The following RSU1 variants were observed in gnomAD, a reference collection of about 807,000 sequenced individuals.
The protein encoded by RSU1 is Ras suppressor protein 1.
A neutral mutation model predicts 31.1 loss-of-function variants in RSU1; 26 were observed. The ratio of observed to expected loss-of-function variants is 0.84; its 90% CI spans 0.61 to 1.16. The LOEUF (loss-of-function observed/expected upper bound fraction) is 1.16. Ranked by LOEUF, RSU1 falls within the 50% of genes most tolerant of loss-of-function variation. RSU1 has a pLI of 0.00. For synonymous variants in RSU1, 164 were observed against 136.3 expected (o/e 1.20, Z -1.41); for missense variants, 320 against 339.1 (o/e 0.94, Z 0.44).
chr10:16,744,435 G>C (rs1344691230), intron 7 of RSU1, among the ~76,000 whole-genome samples: 1 of 152,090 alleles, frequency 6.6e-6, no homozygotes, highest in African/African-American at 2.4e-5. Context: ...TGTCACAAAA[G>C]GTAATGTTAA....
At chr10:16,669,769 T>C (rs1368283317) in intron 8 of RSU1, among the ~76,000 whole-genome samples, 2 of 152,210 alleles carry the variant, frequency 1.3e-5, no homozygotes, top group Non-Finnish European at 2.9e-5. Context: ...CATTCCTATA[T>C]TATGGTTGCG....
chr10:16,678,124 T>A (rs1835266738), intron 8 of RSU1, among the ~76,000 whole-genome samples: 1 of 152,222 alleles, frequency 6.6e-6, no homozygotes. Context: ...ATAGAAAAGC[T>A]TTTCTCTCAC....
chr10:16,632,166 C>T (rs571224513), intron 8 of RSU1, among the ~76,000 whole-genome samples: 11 of 152,196 alleles, frequency 7.2e-5, no homozygotes, highest in Admixed American at 3.3e-4. Flanking sequence ...AAAAACATGA[C>T]CTCACATGTT....
intron 4 of RSU1, among the ~76,000 whole-genome samples, chr10:16,760,498 A>G (rs1011288902): frequency 7.9e-5 from 12 of 151,176 alleles, no homozygotes; most frequent in African/African-American, 2.9e-4. Flanking sequence ...AACAAGAAAG[A>G]AACTCCATCT....
intron 2 of RSU1, among the ~76,000 whole-genome samples, chr10:16,797,147 G>T (rs928230301): frequency 1.3e-5 from 2 of 152,128 alleles, no homozygotes; most frequent in East Asian, 3.8e-4. Context: ...GACCACCTAG[G>T]GCTCCCTTGC....
At chr10:16,731,744 T>A (rs530374963) in intron 7 of RSU1, among the ~76,000 whole-genome samples, 79 of 152,348 alleles carry the variant, frequency 5.2e-4, no homozygotes, top group African/African-American at 1.3e-3. Flanking sequence ...TGACTGCTAC[T>A]AAGGCTGACC....
chr10:16,794,681 A>G (rs558484396), intron 2 of RSU1, among the ~76,000 whole-genome samples: 1 of 152,368 alleles, frequency 6.6e-6, no homozygotes, highest in South Asian at 2.1e-4. Context: ...AGAACAGAGT[A>G]CAATCAAGGT....
chr10:16,758,679 A>G (rs772735662), intron 4 of RSU1, among the ~76,000 whole-genome samples: 2 of 152,180 alleles, frequency 1.3e-5, no homozygotes, highest in Non-Finnish European at 2.9e-5. Context: ...CACCCAATCC[A>G]TGGCTCACAC....
chr10:16,649,497 T>C (rs1834640446), intron 8 of RSU1, among the ~76,000 whole-genome samples: 1 of 152,112 alleles, frequency 6.6e-6, no homozygotes. Context: ...AAATAAAAAT[T>C]GTAACTTTGC....
At chr10:16,616,050 A>C (rs1833970279) in intron 8 of RSU1, among the ~76,000 whole-genome samples, 1 of 152,190 alleles carries the variant, frequency 6.6e-6, no homozygotes, top group South Asian at 2.1e-4. Context: ...CAGAGACAGG[A>C]AAAACCCTTT....
intron 8 of RSU1, among the ~76,000 whole-genome samples, chr10:16,620,577 C>T (rs1032924290): frequency 2.9e-4 from 44 of 150,372 alleles, no homozygotes; most frequent in Admixed American, 2.2e-3. Context: ...AAAAAAGTCT[C>T]GCTCATGCCT....
chr10:16,619,649 A>G (rs1192511973), intron 8 of RSU1, among the ~76,000 whole-genome samples: 1 of 152,222 alleles, frequency 6.6e-6, no homozygotes, highest in Non-Finnish European at 1.5e-5. Flanking sequence ...TAAACTCTGA[A>G]AGACTCCTGA....
chr10:16,777,756 A>T (rs1244453709), intron 3 of RSU1, among the ~76,000 whole-genome samples: 1 of 152,226 alleles, frequency 6.6e-6, no homozygotes, highest in African/African-American at 2.4e-5. Context: ...ATTAAGGAGC[A>T]GACTAAAAAA....
chr10:16,658,488 C>T (rs1834829755), intron 8 of RSU1, among the ~76,000 whole-genome samples: 1 of 152,142 alleles, frequency 6.6e-6, no homozygotes, highest in Non-Finnish European at 1.5e-5. Flanking sequence ...CTTTGGGAGG[C>T]TGATGCAGGC....
chr10:16,746,410 CA>C (rs1836856346), intron 7 of RSU1, among the ~76,000 whole-genome samples: 1 of 152,066 alleles, frequency 6.6e-6, no homozygotes, highest in Admixed American at 6.6e-5. Context: ...CCCTCTTCTC[CA>C]AAGGCAAAAT....
intron 7 of RSU1, among the ~76,000 whole-genome samples, chr10:16,701,687 C>A (rs532132311): frequency 5.3e-5 from 8 of 152,108 alleles, no homozygotes; most frequent in Middle Eastern, 6.3e-3. Context: ...CCAACACAAG[C>A]AGCACCTGAT....
intron 3 of RSU1, among the ~76,000 whole-genome samples, chr10:16,773,311 G>T (rs1410112556): frequency 2.6e-5 from 4 of 152,170 alleles, no homozygotes; most frequent in African/African-American, 9.6e-5. Context: ...ACTGCATGAG[G>T]AGGGCAGGAA....
chr10:16,608,326 A>G (rs1015644596), intron 8 of RSU1, among the ~76,000 whole-genome samples: 2 of 152,200 alleles, frequency 1.3e-5, no homozygotes, highest in African/African-American at 4.8e-5. Context: ...TGGGAAACAT[A>G]GCAATACCCC....
At chr10:16,612,678 T>TGTTA (rs1438113010) in intron 8 of RSU1, among the ~76,000 whole-genome samples, 16 of 152,222 alleles carry the variant, frequency 1.1e-4, no homozygotes, top group African/African-American at 3.9e-4. Context: ...CTACACTCTC[T>TGTTA]GTTATTTTTC....
Sources: allele counts gnomAD v4.1 joint callset (sites outside exome capture counted in the v4.1 genomes callset), GRCh38; gene constraint gnomAD v4.1.1; transcripts MANE v1.5; gene names NCBI Gene and HGNC (gene_info 2026-07-23, HGNC 2026-07-21).